Variants in MLLT3 observed in about 807,000 individuals in gnomAD.
The protein encoded by MLLT3 is MLLT3 super elongation complex subunit, also known as protein AF-9.
A neutral mutation model predicts 53.2 loss-of-function variants in MLLT3; 4 were observed. The observed-to-expected ratio is 0.08, with a 90% CI of 0.04 to 0.17. The LOEUF (loss-of-function observed/expected upper bound fraction) is 0.17, where lower values mean the gene tolerates loss of function less well. Among genes scored for constraint, MLLT3 ranks in the 10% least tolerant of loss-of-function variants. The pLI, the probability that MLLT3 is intolerant of heterozygous loss-of-function variation, is 1.00. For synonymous variants in MLLT3, 283 were observed against 230.6 expected (o/e 1.23, Z -2.06); for missense variants, 569 against 684.0 (o/e 0.83, Z 1.87).
At chr9:20,483,451 T>C (rs1171730396) in intron 2 of MLLT3, among the ~76,000 whole-genome samples, 1 of 151,664 alleles carries the variant, frequency 6.6e-6, no homozygotes, top group Non-Finnish European at 1.5e-5. Flanking sequence ...CAGGCTGGTC[T>C]TGAACTCCTG....
chr9:20,357,999 A>G (rs1366555143), intron 8 of MLLT3, among the ~76,000 whole-genome samples: 2 of 148,310 alleles, frequency 1.3e-5, no homozygotes, highest in Non-Finnish European at 2.9e-5. Flanking sequence ...ACACACACAC[A>G]CACACACACA....
chr9:20,464,778 T>G (rs1004162868), intron 2 of MLLT3, among the ~76,000 whole-genome samples: 1 of 152,080 alleles, frequency 6.6e-6, no homozygotes, highest in African/African-American at 2.4e-5. Context: ...CAGCACTACT[T>G]AGCCCCTTAC....
At chr9:20,468,430 C>A (rs1016341381) in intron 2 of MLLT3, among the ~76,000 whole-genome samples, 1 of 152,136 alleles carries the variant, frequency 6.6e-6, no homozygotes, top group Non-Finnish European at 1.5e-5. Context: ...AGTGAGGCCA[C>A]ACTAATCAGC....
At chr9:20,575,241 C>G (rs987989556) in intron 2 of MLLT3, among the ~76,000 whole-genome samples, 2 of 152,146 alleles carry the variant, frequency 1.3e-5, no homozygotes, top group East Asian at 1.9e-4. Flanking sequence ...CACAAATGTT[C>G]TTAATAGTAT....
chr9:20,591,530 C>G (rs891093474), intron 2 of MLLT3, among the ~76,000 whole-genome samples: 1 of 152,080 alleles, frequency 6.6e-6, no homozygotes, highest in Admixed American at 6.6e-5. Context: ...AAAAAAGGAA[C>G]TGATTATGAG....
intron 2 of MLLT3, among the ~76,000 whole-genome samples, chr9:20,520,784 A>G (rs1005783742): frequency 6.6e-6 from 1 of 152,182 alleles, no homozygotes; most frequent in Non-Finnish European, 1.5e-5. Context: ...TTAAAGGCAC[A>G]GGGACAGGAA....
intron 4 of MLLT3, among the ~76,000 whole-genome samples, chr9:20,439,599 G>T (rs904573629): frequency 1.3e-5 from 2 of 152,050 alleles, no homozygotes; most frequent in African/African-American, 2.4e-5. Flanking sequence ...GAAGGGGAGT[G>T]GGGGGATGGC....
chr9:20,458,624 T>G (rs914969221), intron 2 of MLLT3, among the ~76,000 whole-genome samples: 1 of 152,124 alleles, frequency 6.6e-6, no homozygotes, highest in East Asian at 1.9e-4. Context: ...CCTTCCTCTA[T>G]GTGAGGACAT....
At chr9:20,408,537 C>T (rs1405462124) in intron 5 of MLLT3, among the ~76,000 whole-genome samples, 1 of 152,064 alleles carries the variant, frequency 6.6e-6, no homozygotes, top group Non-Finnish European at 1.5e-5. Flanking sequence ...GTATTTTTAC[C>T]TCCAGTTATA....
chr9:20,441,567 A>C (rs909279098), intron 4 of MLLT3, among the ~76,000 whole-genome samples: 3 of 152,180 alleles, frequency 2.0e-5, no homozygotes, highest in African/African-American at 7.2e-5. Flanking sequence ...TTAGCTTCTA[A>C]GAAATAACCA....
At position 20,622,374 on chromosome 9, in the gene MLLT3, G is replaced by A. The variant is rs530816602; in HGVS notation, c.-118C>T. 5.7e-5 allele frequency: 53 copies of A among 923,112 alleles called. No individual in the cohort carries two copies. Among genetic ancestry groups the A allele is most frequent in the African/African-American group, 1.2e-4 (7 of 58,490 alleles). 57.2% of individuals were successfully genotyped at this position (923,112 alleles called of 1,614,324 possible). A position where few individuals can be genotyped will look rare whatever the true frequency, so the allele number is the denominator to read the frequency against. On this transcript the variant is annotated 5_prime_UTR_variant, in exon 1 of 11. Transcript: ENST00000380338. ...ATGAGAGCGCGCCCAGGAGCGGAGG[G>A]TAGATGGCGGACATTCTCTGCCTTT... is the stretch of plus-strand genomic sequence containing the variant.
At chr9:20,545,222 G>A (rs1469055678) in intron 2 of MLLT3, among the ~76,000 whole-genome samples, 4 of 151,732 alleles carry the variant, frequency 2.6e-5, no homozygotes, top group African/African-American at 9.7e-5. Flanking sequence ...ACATACAGTG[G>A]AATGTTATTG....
intron 4 of MLLT3, among the ~76,000 whole-genome samples, chr9:20,421,014 A>T (rs1275100927): frequency 5.9e-5 from 9 of 152,206 alleles, no homozygotes; most frequent in Non-Finnish European, 8.8e-5. Flanking sequence ...CTGTAATCCC[A>T]GCACTTTGGG....
At chr9:20,581,866 A>G (rs1232160684) in intron 2 of MLLT3, among the ~76,000 whole-genome samples, 1 of 152,140 alleles carries the variant, frequency 6.6e-6, no homozygotes, top group Non-Finnish European at 1.5e-5. Context: ...GCTCTATATC[A>G]CTATTTAAGG....
At chr9:20,501,727 C>T (rs112956424) in intron 2 of MLLT3, among the ~76,000 whole-genome samples, 4 of 135,768 alleles carry the variant, frequency 2.9e-5, no homozygotes, top group Non-Finnish European at 4.6e-5. Context: ...GTCCGCAGTC[C>T]GGCCTGGGCG....
At chr9:20,386,338 C>T (rs1822035254) in intron 5 of MLLT3, among the ~76,000 whole-genome samples, 1 of 152,134 alleles carries the variant, frequency 6.6e-6, no homozygotes, top group South Asian at 2.1e-4. Context: ...GGAGAAGGGT[C>T]ATTCATTCAA....
At chr9:20,592,586 A>G (rs1383314433) in intron 2 of MLLT3, among the ~76,000 whole-genome samples, 2 of 152,218 alleles carry the variant, frequency 1.3e-5, no homozygotes, top group Admixed American at 6.5e-5. Context: ...CCAAATAGTC[A>G]TTCTTAGAAC....
At chr9:20,524,151 T>C (rs1818140710) in intron 2 of MLLT3, among the ~76,000 whole-genome samples, 1 of 152,006 alleles carries the variant, frequency 6.6e-6, no homozygotes, top group Non-Finnish European at 1.5e-5. Flanking sequence ...ACCCATAAAG[T>C]ATACAACAGC....
At chr9:20,505,661 T>C (rs1328686360) in intron 2 of MLLT3, among the ~76,000 whole-genome samples, 2 of 152,196 alleles carry the variant, frequency 1.3e-5, no homozygotes, top group Non-Finnish European at 2.9e-5. Flanking sequence ...TATGCCTCAC[T>C]TGAAGATGTC....
Sources: allele counts gnomAD v4.1 joint callset (sites outside exome capture counted in the v4.1 genomes callset), GRCh38; gene constraint gnomAD v4.1.1; transcripts MANE v1.5; gene names NCBI Gene and HGNC (gene_info 2026-07-23, HGNC 2026-07-21).